The following FMNL3 variants were observed in gnomAD, a reference collection of about 807,000 sequenced individuals.
The protein encoded by FMNL3 is formin like 3, also known as formin-like protein 3.
Under a neutral mutation model 119.6 loss-of-function variants are expected in FMNL3, and 57 were observed. The ratio of observed to expected loss-of-function variants is 0.48; its 90% confidence interval spans 0.39 to 0.59. The LOEUF is 0.59. Among genes scored for constraint, FMNL3 ranks in the 20% least tolerant of loss-of-function variants. The pLI is 0.00. For synonymous variants in FMNL3, 491 were observed against 507.3 expected (o/e 0.97, Z 0.43); for missense variants, 1,053 against 1,323.5 (o/e 0.80, Z 3.17).
At position 49,636,636 on chromosome 12, in the gene FMNL3, C is replaced by T. The variant is rs139972881; in HGVS notation, c.*9179G>A. On this transcript the variant is annotated 3_prime_UTR_variant, in exon 26 of 26. Transcript: ENST00000335154. Reference sequence around the variant, plus strand: ...ATCCCTAGCACCTGTAGGACAGCATCGTTGAAACATTAGGGGTGCTGGGGT... The same window carrying T: ...ATCCCTAGCACCTGTAGGACAGCATTGTTGAAACATTAGGGGTGCTGGGGT... 39 of 1,587,208 alleles carry T rather than the reference C, an allele frequency of 2.5e-5. No homozygotes were observed. In the East Asian group the frequency reaches 6.7e-4, roughly 27 times the overall value.
Position 49,707,116 on chromosome 12 carries a change from G to C in FMNL3, c.65C>G (p.Pro22Arg). Residue 22 changes from proline (P) to arginine (R), a missense_variant, in exon 1 of 26, where the codon CCG (proline) becomes CGG (arginine). Transcript: ENST00000335154. ...GEPPSVPLLLPPGKMPMPEPC... is the reference protein window; with the variant it reads ...GEPPSVPLLLRPGKMPMPEPC... ...CTCAGGCATCGGCATCTTGCCGGGC[G>C]GCAGCAACAACGGGACAGAGGGGGG... 2 of 1,605,090 alleles carry C rather than the reference G, an allele frequency of 1.2e-6. No individual in the cohort carries two copies. Among genetic ancestry groups the C allele is most frequent in the Non-Finnish European group, 1.7e-6 (2 of 1,176,722 alleles).
chr12:49,647,909 A>G lies in FMNL3; in HGVS notation c.2677-105T>C, dbSNP rs184253820. The G allele has an allele frequency of 1.5e-4, 143 of 937,220 alleles. No individual in the cohort carries two copies. The African/African-American group carries it at 2.2e-3, about 14-fold the overall frequency. 58.1% of individuals were successfully genotyped at this position (937,220 alleles called of 1,614,324 possible). On this transcript the variant is annotated intron_variant, in intron 22 of 25. Transcript: ENST00000335154. The surrounding 1 kb of genome is among the most constrained non-coding windows in gnomAD (Gnocchi z 4.9). ...GAAAGCAGAGCCCAGGGCCAAAGGG[A>G]GGAAAACCAAGCACCCAGGCCCCTG...
chr12:49,684,287 C>G (rs1028276052), intron 1 of FMNL3, among the ~76,000 whole-genome samples: 2 of 152,170 alleles, frequency 1.3e-5, no homozygotes, highest in African/African-American at 4.8e-5. Flanking sequence ...TCTCAGTTCA[C>G]CACCTCAGAG....
In FMNL3 at chr12:49,653,894, TAGG is replaced by T. The variant is rs1943485788; in HGVS notation, c.1072-23_1072-21del. On this transcript the variant is annotated intron_variant, in intron 11 of 25. Transcript: ENST00000335154. ...TGACTTCTGGGGGAAGAGCAGAGAG[TAGG>T]AGTAGTTGTAGGAGCAGGCAGATCA... 1 of 1,608,638 alleles carries T rather than the reference TAGG, an allele frequency of 6.2e-7. No homozygotes were observed. The highest frequency in any genetic ancestry group is 1.3e-5 in the African/African-American group (1 of 74,796).
rs1944672248 is a variant in FMNL3, at chr12:49,693,645, T to TTTTTTTTTTTTTTTTTTTTTTTC, written c.126+13409_126+13410insGAAAAAAAAAAAAAAAAAAAAAA. ...CAGCCTCCCAATCTTGGTTTTTTTT[T>TTTTTTTTTTTTTTTTTTTTTTTC]TTTTTTTTTTTTTTTTTTTTGAGAC... On this transcript the variant is annotated intron_variant, in intron 1 of 25. Transcript: ENST00000335154. 1.6e-5 allele frequency among the ~76,000 whole-genome samples: 2 copies of TTTTTTTTTTTTTTTTTTTTTTTC among 124,014 alleles called. 1 individual carries two copies. Among genetic ancestry groups the TTTTTTTTTTTTTTTTTTTTTTTC allele is most frequent in the African/African-American group, 6.7e-5 (2 of 29,644 alleles). The allele number at this position is 124,014 out of a possible 152,430, so 81.4% of individuals were successfully genotyped here. A position where few individuals can be genotyped will look rare whatever the true frequency, so the allele number is the denominator to read the frequency against.
chr12:49,650,962 G>C (rs1943380010), intron 16 of FMNL3, 84 bp from the exon 17 acceptor site: 6 of 1,527,370 alleles, frequency 3.9e-6, no homozygotes, highest in Non-Finnish European at 5.4e-6. Context: ...CATTGGCCCA[G>C]AGCTCTGTCA....
rs1367658469 is a variant in FMNL3 at position 49,640,506 on chromosome 12, G to A, written c.*5309C>T. 3.3e-5 allele frequency: 5 copies of A among 152,386 alleles called. No homozygotes were observed. The highest frequency in any genetic ancestry group is 5.9e-5 in the Non-Finnish European group (4 of 68,084). The allele number at this position is 152,386 out of a possible 1,614,324, so 9.4% of individuals were successfully genotyped here. A position where few individuals can be genotyped will look rare whatever the true frequency, so the allele number is the denominator to read the frequency against. On this transcript the variant is annotated 3_prime_UTR_variant, in exon 26 of 26. Transcript: ENST00000335154. ...AGTGAGGACAAAGAAGGCGGCCTTG[G>A]ATTTGGCTAGTAGACACAAGCAACC...
intron 1 of FMNL3, among the ~76,000 whole-genome samples, chr12:49,689,520 G>A (rs1005854410): frequency 6.6e-6 from 1 of 151,560 alleles, no homozygotes; most frequent in Non-Finnish European, 1.5e-5. Context: ...GATATGGCTT[G>A]AGCCCAGGAG....
chr12:49,639,554 A>G lies in FMNL3; in HGVS notation c.*6261T>C, dbSNP rs1267786590. Reference sequence around the variant, plus strand: ...GGTTTCTATGTAGGTGCCTTGAGACAAGCAAGGGTTGGAGTTGAGTATGGG... The same window carrying G: ...GGTTTCTATGTAGGTGCCTTGAGACGAGCAAGGGTTGGAGTTGAGTATGGG... On this transcript the variant is annotated 3_prime_UTR_variant, in exon 26 of 26. Coordinates refer to ENST00000335154, the MANE Select transcript of FMNL3 (RefSeq NM_175736.5). The G allele has an allele frequency of 6.6e-6, 1 of 152,270 alleles. No individual in the cohort carries two copies. Among genetic ancestry groups the G allele is most frequent in the East Asian group, 1.9e-4 (1 of 5,200 alleles). 9.4% of individuals were successfully genotyped at this position (152,270 alleles called of 1,614,324 possible). A position where few individuals can be genotyped will look rare whatever the true frequency, so the allele number is the denominator to read the frequency against.
chr12:49,654,021 G>C, intron 11 of FMNL3, 147 bp from the exon 12 acceptor site: 1 of 1,282,494 alleles, frequency 7.8e-7, no homozygotes, highest in South Asian at 1.5e-5. Flanking sequence ...TCGCCCCCAT[G>C]GAGCTGCCTG....
Position 49,707,092 on chromosome 12 carries a change from T to C in FMNL3, c.89A>G (p.Glu30Gly). Residue 30 changes from glutamate (E) to glycine (G), a missense_variant, in exon 1 of 26, where the codon GAG (glutamate) becomes GGG (glycine). Glu to Gly is a moderately conservative substitution (Grantham distance 98). This residue lies in a region of FMNL3 where 264 missense variants were observed against 265.5 expected (regional missense o/e 0.99). Transcript: ENST00000335154. ...LLPPGKMPMPEPCELEERFAL... is the reference protein window; with the variant it reads ...LLPPGKMPMPGPCELEERFAL... ...GAACCTTTCCTCCAGCTCACAGGGC[T>C]CAGGCATCGGCATCTTGCCGGGCGG... 1 of 1,599,944 alleles carries C rather than the reference T, an allele frequency of 6.3e-7. No individual in the cohort carries two copies. The highest frequency in any genetic ancestry group is 1.3e-5 in the African/African-American group (1 of 74,606).
chr12:49,644,139 G>C lies in FMNL3; in HGVS notation c.*1676C>G. The C allele has an allele frequency of 6.2e-7, 1 of 1,614,182 alleles. No individual in the cohort carries two copies. Among genetic ancestry groups the C allele is most frequent in the Non-Finnish European group, 8.5e-7 (1 of 1,180,052 alleles). The stretch of plus-strand genomic sequence containing the variant: ...GTCAGAAAGTGAGCTGAGTGAGGGT[G>C]AGCTGGAGAGGCGGCGGCGGACACT... On this transcript the variant is annotated 3_prime_UTR_variant, in exon 26 of 26. Transcript: ENST00000335154.
rs1455326255 is a variant in FMNL3, at chr12:49,637,292, CTCTT to C, written c.*8519_*8522del. 11 of 602,844 alleles carry C rather than the reference CTCTT, an allele frequency of 1.8e-5. No homozygotes were observed. The highest frequency in any genetic ancestry group is 3.0e-5 in the Non-Finnish European group (10 of 337,644). The allele number at this position is 602,844 out of a possible 1,614,324, so 37.3% of individuals were successfully genotyped here. On this transcript the variant is annotated 3_prime_UTR_variant, in exon 26 of 26. Coordinates refer to ENST00000335154, the MANE Select transcript of FMNL3 (RefSeq NM_175736.5). The stretch of plus-strand genomic sequence containing the variant: ...GTCCCTCTCTGTGTATTTACTTTCT[CTCTT>C]TTTGCATTGTTCTCAGCCTTCCATC...
intron 1 of FMNL3, among the ~76,000 whole-genome samples, chr12:49,699,956 T>C (rs1274860982): frequency 1.3e-5 from 2 of 152,220 alleles, no homozygotes; most frequent in African/African-American, 2.4e-5. Flanking sequence ...TTTCAGAAGA[T>C]ATATGTCTCA....
intron 1 of FMNL3, among the ~76,000 whole-genome samples, chr12:49,696,421 C>T (rs1486281687): frequency 1.3e-5 from 2 of 152,312 alleles, no homozygotes; most frequent in African/African-American, 4.8e-5. Flanking sequence ...ACTCAATTCT[C>T]GTTTGATTGA....
chr12:49,641,904 A>G lies in FMNL3; in HGVS notation c.*3911T>C, dbSNP rs1942717720. ...CCCTGCTTCATGCACTGCTGTACCC[A>G]CAGGACCGGGGCTTCTGCGTGGAGG... is the stretch of plus-strand genomic sequence containing the variant. On this transcript the variant is annotated 3_prime_UTR_variant, in exon 26 of 26. Transcript: ENST00000335154. 1 of 1,612,570 alleles carries G rather than the reference A, an allele frequency of 6.2e-7. No homozygotes were observed. The highest frequency in any genetic ancestry group is 8.5e-7 in the Non-Finnish European group (1 of 1,179,892).
Position 49,654,977 on chromosome 12 carries a change from T to C in FMNL3, c.893A>G (p.Lys298Arg), listed in dbSNP as rs1450657105. The change falls in exon 10 of 26, where the codon AAG becomes AGG. Residue 298 changes from lysine (K) to arginine (R), a missense_variant. Around this residue, in one of 4 missense-constraint regions of FMNL3, gnomAD observed 445 missense variants for 628.4 expected, o/e 0.71. Transcript: ENST00000335154. The stretch of plus-strand genomic sequence containing the variant: ...CAGCTTCTCAAAGCGGTGCAGCTCC[T>C]TGCATACCTGAATGAGCAAACTTTC... ...AAFDNFKEVCKELHRFEKLME... is the reference protein window; with the variant it reads ...AAFDNFKEVCRELHRFEKLME... The C allele has an allele frequency of 1.9e-6, 3 of 1,613,864 alleles. No homozygotes were observed. The highest frequency in any genetic ancestry group is 2.5e-6 in the Non-Finnish European group (3 of 1,179,970).
intron 3 of FMNL3, 64 bp from the exon 4 acceptor site, chr12:49,665,972 T>C: frequency 1.3e-6 from 2 of 1,579,078 alleles, no homozygotes; most frequent in Non-Finnish European, 1.7e-6. Flanking sequence ...CCTCCATTAC[T>C]GGCCAGCCAT....
chr12:49,644,552 A>G lies in FMNL3; in HGVS notation c.*1263T>C, dbSNP rs1943077914. 1 of 288,912 alleles carries G rather than the reference A, an allele frequency of 3.5e-6. No homozygotes were observed. The allele number at this position is 288,912 out of a possible 1,614,324, so 17.9% of individuals were successfully genotyped here. On this transcript the variant is annotated 3_prime_UTR_variant, in exon 26 of 26. Transcript: ENST00000335154. ...GGCAGGGTCATCACCCTCTAGCATC[A>G]GTGCCTGCTCCTGCCTGCCCTGGCC...
Sources: gnomAD v4.1 joint callset for allele counts (sites outside exome capture counted in the v4.1 genomes callset) on GRCh38, gnomAD v4.1.1 for gene constraint, gnomAD v4.1.1 regional missense constraint, Gnocchi (gnomAD v3.1) non-coding constraint, MANE v1.5 for transcripts, NCBI Gene and HGNC (gene_info 2026-07-23, HGNC 2026-07-21) for gene names.